The following KCNIP4 variants were observed in gnomAD, a reference collection of about 807,000 sequenced individuals.
The protein encoded by KCNIP4 is potassium voltage-gated channel interacting protein 4, also known as Kv channel-interacting protein 4.
In KCNIP4, 12 loss-of-function variants were observed where a neutral mutation model predicts 34.0. That is an observed-to-expected ratio of 0.35 (90% confidence interval 0.23 to 0.57). KCNIP4 has a LOEUF of 0.57. Ranked by LOEUF, KCNIP4 falls within the 20% of genes least tolerant of loss-of-function variation. The probability of loss-of-function intolerance (pLI) is 0.83; values close to 1 mark genes in which losing one functional copy is unlikely to be tolerated. For missense variants in KCNIP4, 238 were observed against 311.7 expected, an observed-to-expected ratio of 0.76 and a Z score of 1.78; for synonymous variants, 124 against 102.2, an observed-to-expected ratio of 1.21 and a Z score of -1.29.
At chr4:20,995,694 T>G (rs948464416) in intron 1 of KCNIP4, among the ~76,000 whole-genome samples, 1 of 152,224 alleles carries the variant, frequency 6.6e-6, no homozygotes, top group Non-Finnish European at 1.5e-5. Context: ...TTTGACAAGA[T>G]CCTCAGATTT....
chr4:21,337,888 A>G (rs951962263), intron 1 of KCNIP4, among the ~76,000 whole-genome samples: 1 of 152,136 alleles, frequency 6.6e-6, no homozygotes, highest in Non-Finnish European at 1.5e-5. Context: ...CATGTAATAA[A>G]ATACCTAAAT....
At chr4:21,146,983 G>C (rs1752403506) in intron 1 of KCNIP4, among the ~76,000 whole-genome samples, 1 of 151,758 alleles carries the variant, frequency 6.6e-6, no homozygotes, top group Non-Finnish European at 1.5e-5. Context: ...ATATGTGGGG[G>C]GCATATATTT....
chr4:21,307,181 T>C (rs573937743), intron 1 of KCNIP4, among the ~76,000 whole-genome samples: 2 of 152,192 alleles, frequency 1.3e-5, no homozygotes, highest in Non-Finnish European at 2.9e-5. Flanking sequence ...TTCCACTTGG[T>C]CTGGATGTCA....
At chr4:21,281,502 C>T (rs1762773034) in intron 1 of KCNIP4, among the ~76,000 whole-genome samples, 2 of 152,174 alleles carry the variant, frequency 1.3e-5, no homozygotes, top group Admixed American at 1.3e-4. Flanking sequence ...AGAGCAGTGA[C>T]AGACTCACTG....
At chr4:20,790,359 G>T (rs1053895178) in intron 3 of KCNIP4, among the ~76,000 whole-genome samples, 1 of 152,040 alleles carries the variant, frequency 6.6e-6, no homozygotes, top group Non-Finnish European at 1.5e-5. Context: ...TTATAAGTAG[G>T]CTACCCTAAA....
intron 1 of KCNIP4, among the ~76,000 whole-genome samples, chr4:21,327,948 A>C (rs1715257488): frequency 6.6e-6 from 1 of 152,050 alleles, no homozygotes; most frequent in Non-Finnish European, 1.5e-5. Context: ...TAGATTTCTG[A>C]ATTCCTTCTC....
intron 1 of KCNIP4, among the ~76,000 whole-genome samples, chr4:21,050,941 G>T (rs892808720): frequency 2.6e-5 from 4 of 152,064 alleles, no homozygotes; most frequent in Non-Finnish European, 5.9e-5. Context: ...TCAATTTATT[G>T]CCCCAAGACC....
chr4:20,854,205 G>A (rs935541805), intron 2 of KCNIP4, among the ~76,000 whole-genome samples: 1 of 152,202 alleles, frequency 6.6e-6, no homozygotes, highest in East Asian at 1.9e-4. Flanking sequence ...GTTTACAGCG[G>A]CACAATTCAC....
chr4:20,945,044 T>A (rs911983105), intron 1 of KCNIP4, among the ~76,000 whole-genome samples: 1 of 152,194 alleles, frequency 6.6e-6, no homozygotes, highest in African/African-American at 2.4e-5. Context: ...ACCACATGCC[T>A]TTGAATCTCA....
intron 1 of KCNIP4, among the ~76,000 whole-genome samples, chr4:21,294,623 C>CAAAAT (rs1763733535): frequency 6.6e-6 from 1 of 152,004 alleles, no homozygotes; most frequent in Non-Finnish European, 1.5e-5. Context: ...TGGTGAGGTC[C>CAAAAT]TCACCTAGAA....
At chr4:21,254,329 T>G (rs1170569524) in intron 1 of KCNIP4, among the ~76,000 whole-genome samples, 11 of 152,136 alleles carry the variant, frequency 7.2e-5, no homozygotes, top group Non-Finnish European at 1.5e-5. Context: ...CATTTCTTAA[T>G]GCTTTTCTTG....
At chr4:21,475,967 G>C (rs1056428567) in intron 1 of KCNIP4, among the ~76,000 whole-genome samples, 1 of 151,994 alleles carries the variant, frequency 6.6e-6, no homozygotes, top group Non-Finnish European at 1.5e-5. Context: ...TATTCCTGCA[G>C]TGCCTTCTCA....
chr4:21,733,425 GT>G (rs1436972674), intron 1 of KCNIP4, among the ~76,000 whole-genome samples: 1 of 152,132 alleles, frequency 6.6e-6, no homozygotes. Context: ...TCGCAAACTT[GT>G]ATACAGATAC....
At chr4:21,475,383 G>A (rs773541265) in intron 1 of KCNIP4, among the ~76,000 whole-genome samples, 20 of 152,088 alleles carry the variant, frequency 1.3e-4, no homozygotes, top group Non-Finnish European at 1.9e-4. Flanking sequence ...CCAGACCACC[G>A]TACCACAGCT....
chr4:21,290,946 T>C (rs1763414273), intron 1 of KCNIP4, among the ~76,000 whole-genome samples: 1 of 152,280 alleles, frequency 6.6e-6, no homozygotes, highest in East Asian at 1.9e-4. Flanking sequence ...TTACAGACAA[T>C]AGTCCATGAG....
At chr4:21,556,930 A>AAAAAAAAAAAAAAAAAAAAAAAAAAAAAC (rs1553903108) in intron 1 of KCNIP4, among the ~76,000 whole-genome samples, 14 of 108,244 alleles carry the variant, frequency 1.3e-4, no homozygotes, top group East Asian at 6.5e-4. Context: ...CAGAAAAAAA[A>AAAAAAAAAAAAAAAAAAAAAAAAAAAAAC]AAAAAAAAAA....
At chr4:21,511,949 C>T (rs10938841) in intron 1 of KCNIP4, among the ~76,000 whole-genome samples, 67,147 of 149,688 alleles carry the variant, frequency 0.45, 16,048 homozygotes, top group East Asian at 0.61. Context: ...GATAGACAGT[C>T]GATACAATTT....
intron 1 of KCNIP4, among the ~76,000 whole-genome samples, chr4:21,933,784 C>T (rs1470698971): frequency 1.3e-5 from 2 of 152,062 alleles, no homozygotes; most frequent in Non-Finnish European, 2.9e-5. Context: ...AGGATGATGG[C>T]AGAAATATGA....
intron 1 of KCNIP4, among the ~76,000 whole-genome samples, chr4:20,902,489 G>A (rs1391785638): frequency 1.3e-5 from 2 of 152,102 alleles, no homozygotes; most frequent in Non-Finnish European, 1.5e-5. Context: ...AAAGTGATTA[G>A]TATTGCACCA....
Sources: gnomAD v4.1 joint callset for allele counts (sites outside exome capture counted in the v4.1 genomes callset) on GRCh38, gnomAD v4.1.1 for gene constraint, MANE v1.5 for transcripts, NCBI Gene and HGNC (gene_info 2026-07-23, HGNC 2026-07-21) for gene names.